LPP: variants seen among roughly 807,000 people sequenced by gnomAD.
LPP encodes the protein lipoma-preferred partner.
LPP carries 38 observed loss-of-function variants against 60.4 expected under a neutral mutation model. The ratio of observed to expected loss-of-function variants is 0.63; its 90% CI spans 0.49 to 0.83. The LOEUF (loss-of-function observed/expected upper bound fraction) is 0.83. Among genes scored for constraint, LPP ranks in the 40% least tolerant of loss-of-function variants. The probability of loss-of-function intolerance (pLI) is 0.00; values close to 1 mark genes in which losing one functional copy is unlikely to be tolerated. For missense variants in LPP, 902 were observed against 783.6 expected (o/e 1.15, Z -1.80); for synonymous variants, 328 against 290.8 (o/e 1.13, Z -1.30).
intron 2 of LPP, among the ~76,000 whole-genome samples, chr3:188,303,937 G>C (rs1750724318): frequency 6.6e-6 from 1 of 152,126 alleles, no homozygotes; most frequent in African/African-American, 2.4e-5. Flanking sequence ...GTATCAACTA[G>C]TAATTGCTGG....
rs970629042 is a variant in LPP at position 188,887,364 on chromosome 3, T to C, written c.*12885T>C. The C allele has an allele frequency of 1.5e-4, 32 of 216,206 alleles. No individual in the cohort carries two copies. Among genetic ancestry groups the C allele is most frequent in the African/African-American group, 7.2e-4 (32 of 44,356 alleles). 13.4% of individuals were successfully genotyped at this position (216,206 alleles called of 1,614,324 possible). A position where few individuals can be genotyped will look rare whatever the true frequency, so the allele number is the denominator to read the frequency against. On this transcript the variant is annotated 3_prime_UTR_variant, in exon 12 of 12. Transcript: ENST00000617246. The stretch of plus-strand genomic sequence containing the variant: ...GACAGCAATGCTCACTTAGTAATTA[T>C]AAACTGGAAATAGGAGAGTAGCTTG...
chr3:188,326,423 A>G (rs1758442989), intron 2 of LPP, among the ~76,000 whole-genome samples: 1 of 152,224 alleles, frequency 6.6e-6, no homozygotes, highest in African/African-American at 2.4e-5. Flanking sequence ...TGTGACAAGT[A>G]CACTGAGTTC....
At chr3:188,637,165 C>A (rs1848995653) in intron 7 of LPP, among the ~76,000 whole-genome samples, 1 of 151,728 alleles carries the variant, frequency 6.6e-6, no homozygotes. Flanking sequence ...CAAACTATCT[C>A]TCAGACCACA....
rs1203523156 is a variant in LPP at position 188,510,921 on chromosome 3, T to A, written c.307-13744T>A. The stretch of plus-strand genomic sequence containing the variant: ...TTTTGCTTTTTTCTCGAACATCTTG[T>A]GTGTCTTACCTACATGTAGTCTGCC... On this transcript the variant is annotated intron_variant, in intron 5 of 11. Transcript: ENST00000617246. Among the ~76,000 whole-genome samples, 5 of 152,172 alleles carry A rather than the reference T, an allele frequency of 3.3e-5. No homozygotes were observed. In the East Asian group the frequency reaches 9.6e-4, roughly 29 times the overall value.
chr3:188,810,848 A>T lies in LPP; in HGVS notation c.1410+50566A>T, dbSNP rs1048263570. On this transcript the variant is annotated intron_variant, in intron 9 of 11. Transcript: ENST00000617246. ...TTTCATTTTCTCCATCTTGTACAGA[A>T]GCCATAATTATTTTCAATTCTATAT... 3.9e-5 allele frequency among the ~76,000 whole-genome samples: 6 copies of T among 152,124 alleles called. 1 individual carries two copies. The South Asian group carries it at 8.3e-4, about 21-fold the overall frequency.
intron 3 of LPP, among the ~76,000 whole-genome samples, chr3:188,361,039 G>T (rs1769153811): frequency 6.6e-6 from 1 of 152,120 alleles, no homozygotes; most frequent in African/African-American, 2.4e-5. Flanking sequence ...TAATGATGAG[G>T]CATGAAAGAA....
At chr3:188,431,391 A>G (rs1790857455) in intron 4 of LPP, among the ~76,000 whole-genome samples, 1 of 152,210 alleles carries the variant, frequency 6.6e-6, no homozygotes, top group Non-Finnish European at 1.5e-5. Context: ...CACTCTTCAA[A>G]CATTCTGTTT....
At position 188,341,711 on chromosome 3, in the gene LPP, C is replaced by T. The variant is rs555631556; in HGVS notation, c.-18C>T. On this transcript the variant is annotated 5_prime_UTR_variant, in exon 3 of 12. Coordinates refer to ENST00000617246, the MANE Select transcript of LPP (RefSeq NM_001375462.1). ...GTCAACCATCCATTCCAGGAGCCAGCTATCTGAGGTAAGAGAGGAGGCGTG... is the reference window on the plus strand; with the variant it reads ...GTCAACCATCCATTCCAGGAGCCAGTTATCTGAGGTAAGAGAGGAGGCGTG... 70 of 984,406 alleles carry T rather than the reference C, an allele frequency of 7.1e-5. 1 individual carries two copies. The South Asian group carries it at 2.9e-3, about 41-fold the overall frequency. 61.0% of individuals were successfully genotyped at this position (984,406 alleles called of 1,614,324 possible).
chr3:188,193,334 T>C (rs1174264641), intron 1 of LPP, among the ~76,000 whole-genome samples: 3 of 152,200 alleles, frequency 2.0e-5, no homozygotes, highest in East Asian at 1.9e-4. Flanking sequence ...CTAGATTGCC[T>C]AGATTCAGTT....
At chr3:188,505,064 T>C (rs957762284) in intron 5 of LPP, among the ~76,000 whole-genome samples, 5 of 152,166 alleles carry the variant, frequency 3.3e-5, no homozygotes, top group African/African-American at 1.2e-4. Flanking sequence ...GTTGCTATTG[T>C]GCTGAGATGT....
chr3:188,864,997 C>T (rs941633296), intron 9 of LPP, among the ~76,000 whole-genome samples: 1 of 152,210 alleles, frequency 6.6e-6, no homozygotes, highest in East Asian at 1.9e-4. Flanking sequence ...CTTCTTGCTT[C>T]ATAGCCATTT....
At position 188,609,506 on chromosome 3, in the gene LPP, T is replaced by A; in HGVS notation, c.775T>A (p.Ser259Thr). 6.2e-7 allele frequency: 1 copy of A among 1,614,016 alleles called. No homozygotes were observed. Among genetic ancestry groups the A allele is most frequent in the Non-Finnish European group, 8.5e-7 (1 of 1,179,992 alleles). The change falls in exon 7 of 12, where the codon TCT (serine) becomes ACT (threonine). Residue 259 changes from serine to threonine, a missense_variant. Coordinates refer to ENST00000617246, the MANE Select transcript of LPP (RefSeq NM_001375462.1). The surrounding 1 kb of genome is among the most constrained non-coding windows in gnomAD (Gnocchi z 6.9). ...QGYNTQPVPV[S>T]GQCPPPSTRG... ...CTATAACACTCAGCCAGTTCCTGTC[T>A]CTGGGCAGTGTCCACCTCCTTCAAC...
At chr3:188,652,715 A>G (rs1852346857) in intron 7 of LPP, among the ~76,000 whole-genome samples, 1 of 152,158 alleles carries the variant, frequency 6.6e-6, no homozygotes, top group Non-Finnish European at 1.5e-5. Context: ...CAAGTCATTT[A>G]ACTGCCTTGA....
At chr3:188,192,311 T>C (rs192399315) in intron 1 of LPP, among the ~76,000 whole-genome samples, 1 of 152,254 alleles carries the variant, frequency 6.6e-6, no homozygotes, top group African/African-American at 2.4e-5. Context: ...CACCAGTGTG[T>C]GAAACAGCAC....
In LPP at chr3:188,769,191, T is replaced by A. The variant is rs551765851; in HGVS notation, c.1410+8909T>A. Reference sequence around the variant, plus strand: ...AAGTTTTGCATGAATAATTAACTCATGAGCAAAAAGGGTATTTTGGGGATT... The same window carrying A: ...AAGTTTTGCATGAATAATTAACTCAAGAGCAAAAAGGGTATTTTGGGGATT... On this transcript the variant is annotated intron_variant, in intron 9 of 11. Transcript: ENST00000617246. 3.3e-5 allele frequency among the ~76,000 whole-genome samples: 5 copies of A among 152,334 alleles called. No individual in the cohort carries two copies. In the South Asian group the frequency reaches 8.3e-4, roughly 25 times the overall value.
At chr3:188,623,292 C>G (rs1227833072) in intron 7 of LPP, among the ~76,000 whole-genome samples, 4 of 145,652 alleles carry the variant, frequency 2.7e-5, no homozygotes, top group South Asian at 2.2e-4. Flanking sequence ...GAGCGTCACT[C>G]TATCTCCCAG....
At chr3:188,503,523 G>T (rs1173807021) in intron 5 of LPP, among the ~76,000 whole-genome samples, 1 of 151,958 alleles carries the variant, frequency 6.6e-6, no homozygotes. Context: ...TCTGACATCT[G>T]TATTTCTTTG....
At chr3:188,226,255 C>T (rs866092140) in intron 2 of LPP, among the ~76,000 whole-genome samples, 3 of 152,092 alleles carry the variant, frequency 2.0e-5, no homozygotes, top group Non-Finnish European at 2.9e-5. Flanking sequence ...GTAATCCACC[C>T]GCCTCAGCCT....
At chr3:188,153,940 C>T (rs1279612525), upstream of LPP, 1 of 152,652 alleles carries the variant, frequency 6.6e-6, no homozygotes, top group Non-Finnish European at 1.5e-5. Flanking sequence ...CACTTTTTGT[C>T]TGTGGGTTCG....
Sources: gnomAD v4.1 joint callset for allele counts (sites outside exome capture counted in the v4.1 genomes callset) on GRCh38, gnomAD v4.1.1 for gene constraint, Gnocchi (gnomAD v3.1) non-coding constraint, MANE v1.5 for transcripts, NCBI Gene and HGNC (gene_info 2026-07-23, HGNC 2026-07-21) for gene names.